Variants in KLHL1 observed in about 807,000 individuals in gnomAD.
KLHL1 encodes kelch-like protein 1.
A neutral mutation model predicts 77.7 loss-of-function variants in KLHL1; 47 were observed. The ratio of observed to expected loss-of-function variants is 0.60; its 90% CI spans 0.48 to 0.77. The LOEUF is 0.77. Ranked by LOEUF, KLHL1 falls within the 30% of genes least tolerant of loss-of-function variation. KLHL1 has a pLI of 0.00. For synonymous variants in KLHL1, 360 were observed against 325.2 expected (o/e 1.11, Z -1.15); for missense variants, 925 against 910.8 (o/e 1.02, Z -0.20).
chr13:69,946,673 C>T (rs1883536656), intron 3 of KLHL1, among the ~76,000 whole-genome samples: 1 of 152,038 alleles, frequency 6.6e-6, no homozygotes, highest in African/African-American at 2.4e-5. Context: ...CCACTAGGTT[C>T]AGCTATTTAT....
chr13:69,719,366 T>C lies in KLHL1; in HGVS notation c.2015+3A>G. On this transcript the variant is annotated splice_donor_region_variant and intron_variant, in intron 9 of 10. Transcript: ENST00000377844. ...CGCTGTAACAGTGTCCTTGGGGTCTTACCTTTCTACATAATCCAGTAGCCG... is the reference window on the plus strand; with the variant it reads ...CGCTGTAACAGTGTCCTTGGGGTCTCACCTTTCTACATAATCCAGTAGCCG... 6.2e-7 allele frequency: 1 copy of C among 1,612,564 alleles called. No homozygotes were observed. Among genetic ancestry groups the C allele is most frequent in the Non-Finnish European group, 8.5e-7 (1 of 1,178,878 alleles).
intron 5 of KLHL1, among the ~76,000 whole-genome samples, chr13:69,880,716 G>T (rs893730670): frequency 6.6e-6 from 1 of 152,084 alleles, no homozygotes; most frequent in Non-Finnish European, 1.5e-5. Flanking sequence ...TTGGAAACGA[G>T]GGCATAAAAG....
At chr13:70,099,106 T>G (rs1352473513) in intron 1 of KLHL1, among the ~76,000 whole-genome samples, 3 of 151,932 alleles carry the variant, frequency 2.0e-5, no homozygotes, top group Non-Finnish European at 2.9e-5. Context: ...ATATGGAATT[T>G]TACTTACACT....
chr13:70,080,581 C>T (rs1887368972), intron 1 of KLHL1, among the ~76,000 whole-genome samples: 1 of 151,902 alleles, frequency 6.6e-6, no homozygotes, highest in Non-Finnish European at 1.5e-5. Context: ...TCATTTTACT[C>T]TATTTATTTT....
intron 4 of KLHL1, among the ~76,000 whole-genome samples, chr13:69,885,598 C>A (rs955040793): frequency 6.6e-6 from 1 of 152,012 alleles, no homozygotes; most frequent in African/African-American, 2.4e-5. Flanking sequence ...ATATCAATTC[C>A]CATTGAGTTT....
At chr13:69,740,231 G>A (rs1163401603) in intron 8 of KLHL1, among the ~76,000 whole-genome samples, 163 bp downstream of exon 8, 12 of 152,084 alleles carry the variant, frequency 7.9e-5, no homozygotes, top group Non-Finnish European at 1.3e-4. Flanking sequence ...GGGTTCCGTT[G>A]TCTATAGAGA....
intron 7 of KLHL1, among the ~76,000 whole-genome samples, chr13:69,793,498 G>GTTT (rs11374810): frequency 6.0e-5 from 9 of 150,222 alleles, no homozygotes; most frequent in African/African-American, 1.2e-4. Flanking sequence ...AATCATGTAA[G>GTTT]TTTTTTTTTT....
intron 6 of KLHL1, among the ~76,000 whole-genome samples, chr13:69,836,160 C>G (rs1323615905): frequency 6.6e-6 from 1 of 152,044 alleles, no homozygotes; most frequent in African/African-American, 2.4e-5. Context: ...ATAAGCAGCT[C>G]TAGGCTTAGA....
intron 7 of KLHL1, among the ~76,000 whole-genome samples, chr13:69,769,611 A>C (rs570499644): frequency 6.6e-6 from 1 of 152,206 alleles, no homozygotes; most frequent in East Asian, 1.9e-4. Context: ...TAGCTAATGA[A>C]ATGCTGCCTT....
At chr13:69,841,643 A>G (rs1301961525) in intron 5 of KLHL1, among the ~76,000 whole-genome samples, 4 of 151,924 alleles carry the variant, frequency 2.6e-5, no homozygotes, top group African/African-American at 4.8e-5. Flanking sequence ...AAATCATTCT[A>G]TAGGCTAAAC....
intron 7 of KLHL1, among the ~76,000 whole-genome samples, chr13:69,766,774 G>A (rs1349082846): frequency 2.0e-5 from 3 of 152,020 alleles, no homozygotes; most frequent in African/African-American, 7.2e-5. Flanking sequence ...AGTGCATCAG[G>A]TAAAAATGGG....
At chr13:69,792,189 G>C (rs1267406886) in intron 7 of KLHL1, among the ~76,000 whole-genome samples, 1 of 152,000 alleles carries the variant, frequency 6.6e-6, no homozygotes, top group Non-Finnish European at 1.5e-5. Context: ...TCTAACCAGA[G>C]TATCAAAACG....
intron 1 of KLHL1, among the ~76,000 whole-genome samples, chr13:70,022,615 T>C (rs1318960627): frequency 6.6e-6 from 1 of 151,960 alleles, no homozygotes; most frequent in East Asian, 1.9e-4. Flanking sequence ...ACTATTTACA[T>C]GATTTTATAG....
rs1300940502 is a variant in KLHL1, at chr13:69,701,732, A to G, written c.2217T>C (p.Gly739=). Residue 739 remains glycine, a synonymous_variant, in exon 11 of 11, where the codon GGT becomes GGC. Coordinates refer to ENST00000377844, the MANE Select transcript of KLHL1 (RefSeq NM_020866.3). ...QMASLNIGRA[G]ACVVVIKQP ...GTTGCTTGATGACTACCACACAGGC[A>G]CCTGCTCTCCCAATATTCAAGGAAG... is the stretch of plus-strand genomic sequence containing the variant. The G allele has an allele frequency of 1.9e-5, 30 of 1,608,374 alleles. No individual in the cohort carries two copies. Among genetic ancestry groups the G allele is most frequent in the Non-Finnish European group, 2.5e-5 (29 of 1,176,842 alleles).
chr13:69,901,822 A>G (rs1485018703), intron 4 of KLHL1, among the ~76,000 whole-genome samples: 22 of 118,464 alleles, frequency 1.9e-4, no homozygotes, highest in Admixed American at 1.5e-3. Flanking sequence ...TCTGAGACGG[A>G]GTCTCGCTCT....
chr13:69,772,926 A>G (rs1169836534), intron 7 of KLHL1, among the ~76,000 whole-genome samples: 3 of 152,140 alleles, frequency 2.0e-5, no homozygotes, highest in African/African-American at 7.2e-5. Flanking sequence ...TTTTTTAACA[A>G]CGTTGATCCA....
intron 5 of KLHL1, among the ~76,000 whole-genome samples, chr13:69,866,329 T>G (rs2138163758): frequency 6.6e-6 from 1 of 152,252 alleles, no homozygotes; most frequent in East Asian, 1.9e-4. Context: ...GCAAAGCCAA[T>G]TTTATGATAG....
At chr13:70,096,160 G>A (rs926985072) in intron 1 of KLHL1, among the ~76,000 whole-genome samples, 2 of 152,070 alleles carry the variant, frequency 1.3e-5, no homozygotes, top group African/African-American at 4.8e-5. Flanking sequence ...ACACAGGAGA[G>A]CAGATGTTTC....
chr13:69,729,495 T>C (rs1260705126), intron 8 of KLHL1, among the ~76,000 whole-genome samples: 1 of 151,762 alleles, frequency 6.6e-6, no homozygotes, highest in Non-Finnish European at 1.5e-5. Flanking sequence ...CACATTAGTG[T>C]TACGTGATAG....
Sources: allele counts gnomAD v4.1 joint callset (sites outside exome capture counted in the v4.1 genomes callset), GRCh38; gene constraint gnomAD v4.1.1; transcripts MANE v1.5; gene names NCBI Gene and HGNC (gene_info 2026-07-23, HGNC 2026-07-21).